The following DEPTOR variants were observed in gnomAD, a reference collection of about 807,000 sequenced individuals.
DEPTOR encodes DEP domain-containing mTOR-interacting protein.
Under a neutral mutation model 41.6 loss-of-function variants are expected in DEPTOR, and 41 were observed. The observed-to-expected ratio is 0.98, with a 90% confidence interval of 0.77 to 1.28. The LOEUF is 1.28. Among genes scored for constraint, DEPTOR ranks in the 50% most tolerant of loss-of-function variants. The pLI, the probability that DEPTOR is intolerant of heterozygous loss-of-function variation, is 0.00. For synonymous variants in DEPTOR, 195 were observed against 192.3 expected (o/e 1.01, Z -0.12); for missense variants, 514 against 527.9 (o/e 0.97, Z 0.26).
intron 1 of DEPTOR, 175 bp downstream of exon 1, chr8:119,874,143 G>A (rs1240475550): frequency 2.9e-6 from 3 of 1,028,688 alleles, no homozygotes; most frequent in East Asian, 6.0e-5. Context: ...TGCAGCCTCG[G>A]TCCCTGAGGA....
intron 4 of DEPTOR, among the ~76,000 whole-genome samples, chr8:119,981,577 A>G (rs1828767151): frequency 6.6e-6 from 1 of 151,240 alleles, no homozygotes; most frequent in Admixed American, 6.6e-5. Flanking sequence ...GGATCACTTG[A>G]GCCTGGAAAA....
chr8:119,886,284 TA>T (rs1288063313), intron 1 of DEPTOR, among the ~76,000 whole-genome samples: 3 of 152,166 alleles, frequency 2.0e-5, no homozygotes, highest in African/African-American at 7.2e-5. Flanking sequence ...TGGCTTGTAA[TA>T]ACATCTGGGA....
intron 3 of DEPTOR, among the ~76,000 whole-genome samples, chr8:119,944,109 G>C (rs966958897): frequency 1.3e-5 from 2 of 152,040 alleles, no homozygotes; most frequent in Non-Finnish European, 2.9e-5. Flanking sequence ...CAAAGTGCTG[G>C]GATTACAGGC....
intron 3 of DEPTOR, among the ~76,000 whole-genome samples, chr8:119,933,598 C>T (rs1828073819): frequency 6.6e-6 from 1 of 151,826 alleles, no homozygotes; most frequent in Non-Finnish European, 1.5e-5. Flanking sequence ...CTTTACTGGC[C>T]CATTTTCAGA....
intron 1 of DEPTOR, among the ~76,000 whole-genome samples, chr8:119,877,998 C>T (rs755138444): frequency 6.6e-6 from 1 of 152,148 alleles, no homozygotes; most frequent in Non-Finnish European, 1.5e-5. Flanking sequence ...ATGGCGCGAT[C>T]TCGGCTCACC....
intron 8 of DEPTOR, among the ~76,000 whole-genome samples, chr8:120,043,181 C>T (rs971711328): frequency 2.6e-4 from 40 of 151,732 alleles, no homozygotes; most frequent in Non-Finnish European, 3.1e-4. Flanking sequence ...TTTTGGTACA[C>T]CCATCACCCA....
At chr8:119,984,340 A>G (rs1462317072) in intron 4 of DEPTOR, among the ~76,000 whole-genome samples, 1 of 152,044 alleles carries the variant, frequency 6.6e-6, no homozygotes, top group Non-Finnish European at 1.5e-5. Context: ...ACATGGGTAT[A>G]TACCTGCCAT....
chr8:119,951,712 A>G (rs1026478059), intron 3 of DEPTOR, among the ~76,000 whole-genome samples: 15 of 152,196 alleles, frequency 9.9e-5, no homozygotes, highest in African/African-American at 3.4e-4. Context: ...ATTAGAAGAT[A>G]TTTGTTGAGC....
chr8:119,965,242 C>A lies in DEPTOR; in HGVS notation c.436C>A (p.Pro146Thr), dbSNP rs751876504. 2 of 1,612,352 alleles carry A rather than the reference C, an allele frequency of 1.2e-6. No individual in the cohort carries two copies. The highest frequency in any genetic ancestry group is 2.2e-5 in the South Asian group (2 of 90,590). The change falls in exon 4 of 9, where the codon CCT (proline) becomes ACT (threonine). Residue 146 changes from proline to threonine, a missense_variant. Physicochemically the swap from Pro to Thr is conservative, Grantham distance 38 (BLOSUM62 -1). Coordinates refer to ENST00000286234, the MANE Select transcript of DEPTOR (RefSeq NM_022783.4). ...TTTTTTTCTTCCCAGGCTGATGAGC[C>A]CTGAAAACACACTCCTGCAGCCCAG... is the stretch of plus-strand genomic sequence containing the variant. ...GQRLYEKLMSPENTLLQPREE... is the reference protein window; with the variant it reads ...GQRLYEKLMSTENTLLQPREE...
chr8:120,016,402 GA>G (rs1812612155), intron 8 of DEPTOR, among the ~76,000 whole-genome samples: 1 of 151,788 alleles, frequency 6.6e-6, no homozygotes. Flanking sequence ...GAGTTCAAGT[GA>G]TTCTCCTGCC....
chr8:119,998,531 C>T (rs916262548), intron 4 of DEPTOR, among the ~76,000 whole-genome samples: 10 of 152,078 alleles, frequency 6.6e-5, no homozygotes, highest in Non-Finnish European at 1.3e-4. Flanking sequence ...ATGAGACTTC[C>T]GCATGATGGT....
At chr8:120,036,188 G>T (rs1458463346) in intron 8 of DEPTOR, among the ~76,000 whole-genome samples, 2 of 152,170 alleles carry the variant, frequency 1.3e-5, no homozygotes, top group Non-Finnish European at 2.9e-5. Context: ...TTGATTGATT[G>T]GGGCTGAAAG....
At chr8:120,039,509 C>G (rs1364122778) in intron 8 of DEPTOR, among the ~76,000 whole-genome samples, 2 of 152,024 alleles carry the variant, frequency 1.3e-5, no homozygotes, top group Non-Finnish European at 2.9e-5. Context: ...TTATGAAAGC[C>G]AGATGTGTGA....
intron 4 of DEPTOR, among the ~76,000 whole-genome samples, chr8:119,987,182 T>A (rs545483980): frequency 1.3e-5 from 2 of 152,284 alleles, no homozygotes; most frequent in Admixed American, 1.3e-4. Context: ...CTACCTTTGG[T>A]CTTTGATGTT....
At chr8:119,961,011 C>A (rs1828483247) in intron 3 of DEPTOR, among the ~76,000 whole-genome samples, 1 of 151,148 alleles carries the variant, frequency 6.6e-6, no homozygotes, top group African/African-American at 2.4e-5. Context: ...AGAAAAGTGG[C>A]TTGCCTTACA....
chr8:120,019,347 T>C (rs1315004406), intron 8 of DEPTOR, among the ~76,000 whole-genome samples: 1 of 152,098 alleles, frequency 6.6e-6, no homozygotes, highest in African/African-American at 2.4e-5. Flanking sequence ...CTTTTAAGTG[T>C]ATAGATTGGT....
intron 6 of DEPTOR, among the ~76,000 whole-genome samples, chr8:120,005,665 A>G (rs1046277692): frequency 1.3e-5 from 2 of 152,132 alleles, no homozygotes; most frequent in African/African-American, 4.8e-5. Flanking sequence ...GCAGAGCTGG[A>G]TTAGAATGGT....
At chr8:119,902,626 AC>A (rs1168025322) in intron 1 of DEPTOR, among the ~76,000 whole-genome samples, 1 of 152,198 alleles carries the variant, frequency 6.6e-6, no homozygotes, top group Non-Finnish European at 1.5e-5. Flanking sequence ...GGTGTGAGCC[AC>A]CATGTCTGGC....
chr8:120,033,968 G>T (rs572500939), intron 8 of DEPTOR, among the ~76,000 whole-genome samples: 14 of 152,248 alleles, frequency 9.2e-5, no homozygotes, highest in African/African-American at 3.4e-4. Context: ...ACCGGGGGCT[G>T]AAGCAGGAGA....
Sources: allele counts gnomAD v4.1 joint callset (sites outside exome capture counted in the v4.1 genomes callset), GRCh38; gene constraint gnomAD v4.1.1; transcripts MANE v1.5; gene names NCBI Gene and HGNC (gene_info 2026-07-23, HGNC 2026-07-21).